The following ARHGEF4 variants were observed in gnomAD, a reference collection of about 807,000 sequenced individuals.
ARHGEF4 encodes the protein APC-stimulated guanine nucleotide exchange factor 1.
A neutral mutation model predicts 162.0 loss-of-function variants in ARHGEF4; 119 were observed. The ratio of observed to expected loss-of-function variants is 0.73; its 90% CI spans 0.63 to 0.86. ARHGEF4 has a LOEUF of 0.86. Among genes scored for constraint, ARHGEF4 ranks in the 40% least tolerant of loss-of-function variants. ARHGEF4 has a pLI of 0.00. For missense variants in ARHGEF4, 2,488 were observed against 2,456.0 expected, an observed-to-expected ratio of 1.01 and a Z score of -0.28; for synonymous variants, 1,014 against 979.9, an observed-to-expected ratio of 1.03 and a Z score of -0.65.
At position 130,992,158 on chromosome 2, in the gene ARHGEF4, A is replaced by C. The variant is rs138448444; in HGVS notation, c.3986-35787A>C. ...CGAGGCGAACCTTTGTATCTAGCTC[A>C]GGGATTGTAAACGCACCAATCAGCG... On this transcript the variant is annotated intron_variant, in intron 4 of 13. Transcript: ENST00000409359. Among the ~76,000 whole-genome samples the C allele has an allele frequency of 4.7e-3, 712 of 152,248 alleles. 5 individuals carry two copies. The highest frequency in any genetic ancestry group is 0.016 in the African/African-American group (666 of 41,550).
chr2:130,870,770 G>T (rs1442819116), intron 1 of ARHGEF4, among the ~76,000 whole-genome samples: 1 of 152,084 alleles, frequency 6.6e-6, no homozygotes, highest in Non-Finnish European at 1.5e-5. Context: ...AGCAGCAGAC[G>T]GTCACCCAGC....
At chr2:130,997,227 CA>C (rs1687449644) in intron 4 of ARHGEF4, among the ~76,000 whole-genome samples, 1 of 152,198 alleles carries the variant, frequency 6.6e-6, no homozygotes, top group Non-Finnish European at 1.5e-5. Context: ...CCTTTCCCCA[CA>C]AGGCTTTTAT....
chr2:130,984,242 A>C (rs1381644228), intron 4 of ARHGEF4, among the ~76,000 whole-genome samples: 1 of 152,188 alleles, frequency 6.6e-6, no homozygotes, highest in Non-Finnish European at 1.5e-5. Context: ...GTGGCCAAAC[A>C]GCACCAAAGG....
At chr2:130,892,148 A>G (rs1679894775) in intron 1 of ARHGEF4, among the ~76,000 whole-genome samples, 1 of 152,194 alleles carries the variant, frequency 6.6e-6, no homozygotes, top group South Asian at 2.1e-4. Context: ...TGTAAATGTG[A>G]CAATGCTTAT....
At chr2:130,920,445 C>G (rs1681803541) in intron 2 of ARHGEF4, among the ~76,000 whole-genome samples, 1 of 152,116 alleles carries the variant, frequency 6.6e-6, no homozygotes, top group Non-Finnish European at 1.5e-5. Context: ...ATGTTTCATT[C>G]CTTACTGGAG....
intron 4 of ARHGEF4, among the ~76,000 whole-genome samples, chr2:131,012,388 CT>C (rs1359570482): frequency 1.3e-5 from 2 of 152,138 alleles, no homozygotes; most frequent in African/African-American, 4.8e-5. Context: ...CATAAGAAGC[CT>C]TTACAATGAC....
intron 4 of ARHGEF4, among the ~76,000 whole-genome samples, chr2:130,992,718 G>T (rs997879885): frequency 6.6e-6 from 1 of 152,200 alleles, no homozygotes; most frequent in South Asian, 2.1e-4. Context: ...TGCAAGCCAG[G>T]AGAGAATGCA....
intron 4 of ARHGEF4, among the ~76,000 whole-genome samples, chr2:130,982,995 T>C (rs1375078298): frequency 6.6e-6 from 1 of 152,242 alleles, no homozygotes. Context: ...ACATTTTATA[T>C]AGTTAAGAAC....
At chr2:130,879,365 T>C (rs1472212866) in intron 1 of ARHGEF4, among the ~76,000 whole-genome samples, 1 of 152,210 alleles carries the variant, frequency 6.6e-6, no homozygotes, top group African/African-American at 2.4e-5. Flanking sequence ...ACATGATGTT[T>C]TGATATATGT....
At chr2:130,876,646 C>A (rs1168821371) in intron 1 of ARHGEF4, among the ~76,000 whole-genome samples, 4 of 152,220 alleles carry the variant, frequency 2.6e-5, no homozygotes, top group African/African-American at 9.7e-5. Flanking sequence ...CCCGCCTCGG[C>A]CTCCCAAAGT....
chr2:130,847,421 G>A (rs775919772), intron 1 of ARHGEF4, among the ~76,000 whole-genome samples: 1 of 152,194 alleles, frequency 6.6e-6, no homozygotes, highest in Non-Finnish European at 1.5e-5. Flanking sequence ...CGTTGGACTT[G>A]GAGGCACCAA....
intron 4 of ARHGEF4, among the ~76,000 whole-genome samples, chr2:130,975,249 A>C (rs1461981680): frequency 6.6e-6 from 1 of 152,144 alleles, no homozygotes; most frequent in Non-Finnish European, 1.5e-5. Flanking sequence ...ATCATTTTTA[A>C]ATTTTCTGTA....
chr2:130,912,769 A>G (rs747436156), intron 1 of ARHGEF4, among the ~76,000 whole-genome samples: 5 of 152,166 alleles, frequency 3.3e-5, no homozygotes, highest in Non-Finnish European at 1.5e-5. Context: ...GAGACACGCT[A>G]CAGCCATGAT....
chr2:130,837,099 C>T (rs1000031829), intron 1 of ARHGEF4, 107 bp downstream of exon 1: 109 of 1,080,200 alleles, frequency 1.0e-4, no homozygotes, highest in Non-Finnish European at 1.2e-4. Flanking sequence ...CCCCTGGGCA[C>T]CCGGTGGGTG....
intron 3 of ARHGEF4, among the ~76,000 whole-genome samples, chr2:130,931,786 C>T (rs997658921): frequency 9.9e-5 from 15 of 152,158 alleles, no homozygotes; most frequent in Non-Finnish European, 1.9e-4. Context: ...GACATCATGC[C>T]ATTTACCCAA....
chr2:130,869,742 A>T (rs1311401036), intron 1 of ARHGEF4, among the ~76,000 whole-genome samples: 1 of 152,238 alleles, frequency 6.6e-6, no homozygotes, highest in Non-Finnish European at 1.5e-5. Flanking sequence ...ACATATCCGC[A>T]TTCAGACCAA....
intron 4 of ARHGEF4, among the ~76,000 whole-genome samples, chr2:130,989,830 G>T (rs1402479190): frequency 6.6e-6 from 1 of 152,174 alleles, no homozygotes; most frequent in African/African-American, 2.4e-5. Context: ...GCCTGAGCAG[G>T]TTATCTAATC....
At chr2:130,976,345 GTGTC>G (rs112500578) in intron 4 of ARHGEF4, among the ~76,000 whole-genome samples, 6,137 of 62,812 alleles carry the variant, frequency 0.098, 131 homozygotes, top group Middle Eastern at 0.2. Context: ...GTGTGTGTGT[GTGTC>G]TGTGTGTGTG....
chr2:131,010,418 G>A (rs1688373053), intron 4 of ARHGEF4, among the ~76,000 whole-genome samples: 1 of 152,164 alleles, frequency 6.6e-6, no homozygotes, highest in African/African-American at 2.4e-5. Flanking sequence ...ATAATTATCT[G>A]CACAGAGTTT....
Sources: allele counts gnomAD v4.1 joint callset (sites outside exome capture counted in the v4.1 genomes callset), GRCh38; gene constraint gnomAD v4.1.1; transcripts MANE v1.5; gene names NCBI Gene and HGNC (gene_info 2026-07-23, HGNC 2026-07-21).